Variants in GSDMB observed in about 807,000 individuals in gnomAD.
GSDMB encodes the protein gasdermin B, also known as gasdermin-B.
Under a neutral mutation model 42.9 loss-of-function variants are expected in GSDMB, and 32 were observed. The ratio of observed to expected loss-of-function variants is 0.75; its 90% CI spans 0.56 to 1.00. The LOEUF is 1.00. Among genes scored for constraint, GSDMB ranks in the 50% least tolerant of loss-of-function variants. GSDMB has a pLI of 0.00. For synonymous variants in GSDMB, 175 were observed against 193.7 expected, an observed-to-expected ratio of 0.90 and a Z score of 0.80; for missense variants, 468 against 498.5, an observed-to-expected ratio of 0.94 and a Z score of 0.58.
At position 39,917,245 on chromosome 17, in the gene GSDMB, G is replaced by A. The variant is rs147222506; in HGVS notation, c.72C>T (p.Ala24=). ...KEMDAGGDMI[A]VRSLVDADRF... is the part of the protein sequence containing the mutation. ...TATCAGCATCAACAAGGCTTCTAAC[G>A]GCAATCATATCCCCTCCAGCATCCA... The change falls in exon 2 of 11, where the codon GCC becomes GCT. Residue 24 remains alanine, a synonymous_variant. Transcript: ENST00000418519. 207 of 1,613,908 alleles carry A rather than the reference G, an allele frequency of 1.3e-4. No homozygotes were observed. The African/African-American group carries it at 2.1e-3, about 17-fold the overall frequency.
At chr17:39,905,332 T>G in intron 10 of GSDMB, 94 bp downstream of exon 10, 1 of 820,194 alleles carries the variant, frequency 1.2e-6, no homozygotes, top group African/African-American at 1.7e-5. Flanking sequence ...AACTATGGAA[T>G]AAGAAGGGGC....
rs2144700131 is a variant in GSDMB, at chr17:39,912,391, G to A, written c.342C>T (p.His114=). Residue 114 remains histidine (H), a synonymous_variant, in exon 3 of 11, where the codon CAC becomes CAT. Transcript: ENST00000418519. The part of the protein sequence containing the change: ...ITISGSFQGF[H]HQKIKISENR... Reference sequence around the variant, plus strand: ...TCTCCGATATCTTGATTTTCTGATGGTGGAAGCCCTGGAAACTGCCTGAAA... The same window carrying A: ...TCTCCGATATCTTGATTTTCTGATGATGGAAGCCCTGGAAACTGCCTGAAA... The A allele has an allele frequency of 3.1e-6, 5 of 1,613,800 alleles. No homozygotes were observed. The highest frequency in any genetic ancestry group is 4.2e-6 in the Non-Finnish European group (5 of 1,179,750).
At chr17:39,910,026 C>T (rs2063579612) in intron 3 of GSDMB, 102 bp from the exon 4 acceptor site, 1 of 885,440 alleles carries the variant, frequency 1.1e-6, no homozygotes, top group Non-Finnish European at 1.8e-6. Flanking sequence ...AGATTAATCG[C>T]TTCTGAGACT....
At chr17:39,910,963 G>T (rs1568103746) in intron 3 of GSDMB, among the ~76,000 whole-genome samples, 1 of 152,118 alleles carries the variant, frequency 6.6e-6, no homozygotes, top group Non-Finnish European at 1.5e-5. Flanking sequence ...GTAATTCAAA[G>T]GACCAGTAAA....
rs373759080 is a variant in GSDMB, at chr17:39,911,323, CAA to C, written c.407+1001_407+1002del. On this transcript the variant is annotated intron_variant, in intron 3 of 10. Coordinates refer to ENST00000418519, the MANE Select transcript of GSDMB (RefSeq NM_001165958.2). ...GGGCAACAAAAGTGAAACTCCATCTCAAAAAAAAAAAAAGGAAAAGGAAAAGA... is the reference window on the plus strand; with the variant it reads ...GGGCAACAAAAGTGAAACTCCATCTCAAAAAAAAAAAGGAAAAGGAAAAGA... Among the ~76,000 whole-genome samples, 204 of 116,492 alleles carry C rather than the reference CAA, an allele frequency of 1.8e-3. 1 individual carries two copies. The highest frequency in any genetic ancestry group is 6.2e-3 in the African/African-American group (188 of 30,186). 76.4% of individuals were successfully genotyped at this position (116,492 alleles called of 152,430 possible).
At chr17:39,915,527 T>C (rs532125096) in intron 2 of GSDMB, among the ~76,000 whole-genome samples, 74 of 152,274 alleles carry the variant, frequency 4.9e-4, no homozygotes, top group African/African-American at 1.8e-3. Context: ...GGGAGTAATA[T>C]TATTGTGGCA....
chr17:39,915,063 C>T (rs1249533829), intron 2 of GSDMB, among the ~76,000 whole-genome samples: 2 of 152,164 alleles, frequency 1.3e-5, no homozygotes, highest in Admixed American at 6.5e-5. Context: ...TCTCGAACTC[C>T]TGGCCTCAAG....
intron 7 of GSDMB, 178 bp downstream of exon 7, chr17:39,906,783 G>C (rs2063512711): frequency 7.0e-7 from 1 of 1,422,170 alleles, no homozygotes; most frequent in Non-Finnish European, 9.2e-7. Context: ...TAACCAATGA[G>C]AACCACTGTG....
intron 7 of GSDMB, chr17:39,906,697 A>C (rs2063510979): frequency 9.4e-5 from 112 of 1,196,104 alleles, no homozygotes; most frequent in Middle Eastern, 3.0e-4. Flanking sequence ...CCACACCCCC[A>C]CAATTAAGTC....
chr17:39,917,582 T>TCCCCCC lies in GSDMB; in HGVS notation c.-14-253_-14-252insGGGGGG, dbSNP rs1270162211. 1.1e-5 allele frequency: 4 copies of TCCCCCC among 368,020 alleles called. No individual in the cohort carries two copies. The African/African-American group carries it at 1.8e-4, about 17-fold the overall frequency. The allele number at this position is 368,020 out of a possible 1,614,324, so 22.8% of individuals were successfully genotyped here. A position where few individuals can be genotyped will look rare whatever the true frequency, so the allele number is the denominator to read the frequency against. ...TGCCCCACCCTGATACAATATAGTC[T>TCCCCCC]CCCCGCCGCCGCCCTTAAGAAGGTA... On this transcript the variant is annotated intron_variant, in intron 1 of 10. Transcript: ENST00000418519.
Position 39,905,516 on chromosome 17 carries a change from G to A in GSDMB, c.1028-20C>T. On this transcript the variant is annotated intron_variant, in intron 9 of 10. Transcript: ENST00000418519. ...ACAGCTCTGGGGGCAAAGAAAGAGTGGTAAAAAGGAGAGATATATGGTGGG... is the reference window on the plus strand; with the variant it reads ...ACAGCTCTGGGGGCAAAGAAAGAGTAGTAAAAAGGAGAGATATATGGTGGG... The A allele has an allele frequency of 6.3e-7, 1 of 1,592,650 alleles. No individual in the cohort carries two copies. Among genetic ancestry groups the A allele is most frequent in the Non-Finnish European group, 8.6e-7 (1 of 1,164,376 alleles).
intron 10 of GSDMB, 138 bp downstream of exon 10, chr17:39,905,288 C>T: frequency 4.6e-6 from 3 of 657,706 alleles, no homozygotes; most frequent in Middle Eastern, 4.2e-4. Context: ...AGGGAATTGT[C>T]ACAAACCAGC....
chr17:39,905,897 A>G lies in GSDMB; in HGVS notation c.977T>C (p.Leu326Ser), dbSNP rs1256648133. The part of the protein sequence containing the change: ...LSSLFNAAGV[L>S]VEARAKAILD... ...AATGGCTTTTGCACGCGCTTCTACC[A>G]AGACCCCAGCAGCATTAAAAAGGCT... Residue 326 changes from leucine (L) to serine (S), a missense_variant, in exon 9 of 11, where the codon TTG becomes TCG. Physicochemically the swap from Leu to Ser is moderately radical, Grantham distance 145. Coordinates refer to ENST00000418519, the MANE Select transcript of GSDMB (RefSeq NM_001165958.2). 1 of 1,613,994 alleles carries G rather than the reference A, an allele frequency of 6.2e-7. No homozygotes were observed. The highest frequency in any genetic ancestry group is 1.3e-5 in the African/African-American group (1 of 74,906).
intron 3 of GSDMB, among the ~76,000 whole-genome samples, chr17:39,911,181 G>A (rs938182610): frequency 1.3e-5 from 2 of 152,024 alleles, no homozygotes; most frequent in Non-Finnish European, 2.9e-5. Flanking sequence ...AAATTAGCTA[G>A]GCGTGGTGGC....
At chr17:39,911,496 T>C (rs2063607876) in intron 3 of GSDMB, among the ~76,000 whole-genome samples, 1 of 152,114 alleles carries the variant, frequency 6.6e-6, no homozygotes, top group South Asian at 2.1e-4. Flanking sequence ...TGATGTCCTC[T>C]TGAATTGGAA....
At chr17:39,916,458 A>T (rs569584004) in intron 2 of GSDMB, among the ~76,000 whole-genome samples, 7 of 141,846 alleles carry the variant, frequency 4.9e-5, no homozygotes, top group Admixed American at 3.5e-4. Context: ...AATTTTTTGT[A>T]TTTTTTTTTT....
chr17:39,905,037 C>T (rs1402750502), intron 10 of GSDMB, 73 bp from the exon 11 acceptor site: 5 of 1,249,860 alleles, frequency 4.0e-6, no homozygotes, highest in Admixed American at 1.7e-5. Flanking sequence ...TTTGGCCACA[C>T]TCCTTGCTGC....
chr17:39,906,311 A>T, intron 7 of GSDMB, 40 bp from the exon 8 acceptor site: 3 of 1,600,026 alleles, frequency 1.9e-6, no homozygotes, highest in Non-Finnish European at 2.6e-6. Context: ...CACCCAGCCC[A>T]AAAGGTTTTA....
Position 39,906,978 on chromosome 17 carries a change from C to T in GSDMB, c.710G>A (p.Gly237Asp). Residue 237 changes from glycine to aspartate, a missense_variant, in exon 7 of 11, where the codon GGT (glycine) becomes GAT (aspartate). By Grantham distance (94) the Gly-to-Asp change is moderately conservative. Coordinates refer to ENST00000418519, the MANE Select transcript of GSDMB (RefSeq NM_001165958.2). ...KTKSFPEEKD[G>D]ASSCLGKSLG... Reference sequence around the variant, plus strand: ...ACCCTTACCTAAACAGGATGAAGCACCATCCTTCTCTGCAGAGAGAGGAAG... The same window carrying T: ...ACCCTTACCTAAACAGGATGAAGCATCATCCTTCTCTGCAGAGAGAGGAAG... 1 of 1,613,686 alleles carries T rather than the reference C, an allele frequency of 6.2e-7. No individual in the cohort carries two copies. The highest frequency in any genetic ancestry group is 8.5e-7 in the Non-Finnish European group (1 of 1,179,622).
Sources: gnomAD v4.1 joint callset for allele counts (sites outside exome capture counted in the v4.1 genomes callset) on GRCh38, gnomAD v4.1.1 for gene constraint, MANE v1.5 for transcripts, NCBI Gene and HGNC (gene_info 2026-07-23, HGNC 2026-07-21) for gene names.